Variants in GADL1 observed in about 807,000 individuals in gnomAD.
The protein encoded by GADL1 is acidic amino acid decarboxylase GADL1.
GADL1 carries 71 observed loss-of-function variants against 69.5 expected under a neutral mutation model. The ratio of observed to expected loss-of-function variants is 1.02; its 90% CI spans 0.84 to 1.25. The LOEUF (loss-of-function observed/expected upper bound fraction) is 1.25, where lower values mean the gene tolerates loss of function less well. GADL1 is among the 50% of genes most tolerant of loss of function. GADL1 has a pLI of 0.00. For missense variants in GADL1, 737 were observed against 631.8 expected, an observed-to-expected ratio of 1.17 and a Z score of -1.79; for synonymous variants, 254 against 214.4, an observed-to-expected ratio of 1.18 and a Z score of -1.62.
intron 14 of GADL1, among the ~76,000 whole-genome samples, chr3:30,764,930 C>CA (rs35246170): frequency 6.6e-6 from 1 of 151,700 alleles, no homozygotes; most frequent in African/African-American, 2.4e-5. Flanking sequence ...GAACATCCTG[C>CA]AAAGAGGGGG....
chr3:30,889,022 G>GA (rs1348238035), intron 1 of GADL1, among the ~76,000 whole-genome samples: 2 of 121,226 alleles, frequency 1.6e-5, no homozygotes, highest in African/African-American at 6.4e-5. Context: ...TAAAAACAGA[G>GA]AAAAGTTGTA....
chr3:30,738,317 GT>G, intron 14 of GADL1, among the ~76,000 whole-genome samples: 1 of 152,272 alleles, frequency 6.6e-6, no homozygotes, highest in Non-Finnish European at 1.5e-5. Flanking sequence ...GCTACTTGCA[GT>G]TAGTGTCTCA....
chr3:30,820,935 A>G (rs1354442119), intron 11 of GADL1, among the ~76,000 whole-genome samples: 1 of 151,982 alleles, frequency 6.6e-6, no homozygotes, highest in Non-Finnish European at 1.5e-5. Context: ...ATGTCCAACA[A>G]TGATAGACTG....
At chr3:30,741,008 TTA>T (rs1695614317) in intron 14 of GADL1, among the ~76,000 whole-genome samples, 1 of 102,886 alleles carries the variant, frequency 9.7e-6, no homozygotes, top group East Asian at 3.4e-4. Context: ...TTAATATATA[TTA>T]TATATTATAT....
At chr3:30,752,087 A>G (rs1695834531) in intron 14 of GADL1, among the ~76,000 whole-genome samples, 2 of 150,130 alleles carry the variant, frequency 1.3e-5, no homozygotes, top group Non-Finnish European at 2.9e-5. Context: ...TCGTTAAAGT[A>G]CTGCTGTGGT....
intron 4 of GADL1, among the ~76,000 whole-genome samples, chr3:30,854,387 C>T (rs1288827232): frequency 6.6e-6 from 1 of 152,084 alleles, no homozygotes; most frequent in Non-Finnish European, 1.5e-5. Flanking sequence ...TATTTGTGTT[C>T]AATATGTCTC....
At chr3:30,871,922 C>A in intron 1 of GADL1, among the ~76,000 whole-genome samples, 1 of 150,470 alleles carries the variant, frequency 6.6e-6, no homozygotes. Flanking sequence ...TTTTCTTTCA[C>A]TGGGCACAAG....
At chr3:30,747,378 C>T (rs552834198) in intron 14 of GADL1, among the ~76,000 whole-genome samples, 1 of 152,140 alleles carries the variant, frequency 6.6e-6, no homozygotes, top group African/African-American at 2.4e-5. Context: ...ATATATCTGT[C>T]AAAATGATGG....
At chr3:30,860,037 C>T (rs569346224) in intron 2 of GADL1, among the ~76,000 whole-genome samples, 1 of 151,824 alleles carries the variant, frequency 6.6e-6, no homozygotes, top group African/African-American at 2.4e-5. Context: ...TTTTGCAATG[C>T]TCTTTCCATT....
chr3:30,864,041 A>T (rs1430496744), intron 1 of GADL1, among the ~76,000 whole-genome samples: 1 of 152,052 alleles, frequency 6.6e-6, no homozygotes, highest in Admixed American at 6.6e-5. Flanking sequence ...TCACTTTCAC[A>T]TGAAAGGAAA....
intron 9 of GADL1, among the ~76,000 whole-genome samples, chr3:30,836,784 A>G (rs1697882006): frequency 1.3e-5 from 2 of 152,062 alleles, no homozygotes. Context: ...TCCAGCAGCT[A>G]CAACCTCTGA....
intron 8 of GADL1, among the ~76,000 whole-genome samples, chr3:30,839,754 G>C (rs1040260276): frequency 6.6e-6 from 1 of 152,118 alleles, no homozygotes; most frequent in African/African-American, 2.4e-5. Flanking sequence ...TTCTATCATG[G>C]TTATTCCTCC....
At chr3:30,883,472 A>G (rs1470581062) in intron 1 of GADL1, among the ~76,000 whole-genome samples, 1 of 151,962 alleles carries the variant, frequency 6.6e-6, no homozygotes, top group Admixed American at 6.6e-5. Flanking sequence ...GTGAGGGGTT[A>G]TTTCTGATTT....
rs538505546 is a variant in GADL1 at position 30,730,143 on chromosome 3, G to T, written c.1393-1728C>A. Among the ~76,000 whole-genome samples, 8 of 152,284 alleles carry T rather than the reference G, an allele frequency of 5.3e-5. No individual in the cohort carries two copies. In the South Asian group the frequency reaches 1.7e-3, roughly 32 times the overall value. ...AAAGAGTGGCAAATGTCCAGTTGAT[G>T]CTGGAAGCCAGAAGCTAGGAAGTAA... On this transcript the variant is annotated intron_variant, in intron 14 of 14. Transcript: ENST00000282538.
chr3:30,775,435 G>A (rs1372041189), intron 14 of GADL1, among the ~76,000 whole-genome samples: 2 of 152,168 alleles, frequency 1.3e-5, no homozygotes, highest in Non-Finnish European at 1.5e-5. Context: ...TCTACAGTAA[G>A]CATAAAACCT....
intron 14 of GADL1, among the ~76,000 whole-genome samples, chr3:30,766,013 C>G (rs951882767): frequency 4.6e-5 from 7 of 152,132 alleles, no homozygotes; most frequent in Non-Finnish European, 8.8e-5. Context: ...GGAAATAAGT[C>G]TTGGGAAAGC....
At chr3:30,745,517 C>T (rs1012263907) in intron 14 of GADL1, among the ~76,000 whole-genome samples, 1 of 152,146 alleles carries the variant, frequency 6.6e-6, no homozygotes, top group Non-Finnish European at 1.5e-5. Flanking sequence ...AACCCTATTG[C>T]TATCTGCTAT....
chr3:30,740,272 GT>G (rs1335451343), intron 14 of GADL1, among the ~76,000 whole-genome samples: 12 of 152,148 alleles, frequency 7.9e-5, no homozygotes, highest in Admixed American at 7.9e-4. Flanking sequence ...ATGTATTTTT[GT>G]TATTATTCAA....
At chr3:30,816,919 G>A (rs1345342176) in intron 11 of GADL1, among the ~76,000 whole-genome samples, 1 of 152,098 alleles carries the variant, frequency 6.6e-6, no homozygotes, top group Admixed American at 6.5e-5. Context: ...ATCTTAGGGT[G>A]AAGAGTACCT....
Sources: gnomAD v4.1 joint callset for allele counts (sites outside exome capture counted in the v4.1 genomes callset) on GRCh38, gnomAD v4.1.1 for gene constraint, MANE v1.5 for transcripts, NCBI Gene and HGNC (gene_info 2026-07-23, HGNC 2026-07-21) for gene names.